SDK1: variants seen among roughly 807,000 people sequenced by gnomAD.
SDK1 encodes sidekick cell adhesion molecule 1.
A neutral mutation model predicts 245.5 loss-of-function variants in SDK1; 157 were observed. The observed-to-expected ratio is 0.64, with a 90% CI of 0.56 to 0.73. SDK1 has a LOEUF of 0.73. Among genes scored for constraint, SDK1 ranks in the 30% least tolerant of loss-of-function variants. SDK1 has a pLI of 0.00. For missense variants in SDK1, 3,583 were observed against 3,002.3 expected (o/e 1.19, Z -4.52); for synonymous variants, 1,647 against 1,278.5 (o/e 1.29, Z -6.15).
chr7:4,023,014 T>A (rs1383908952), intron 17 of SDK1, among the ~76,000 whole-genome samples: 2 of 152,094 alleles, frequency 1.3e-5, no homozygotes, highest in African/African-American at 4.8e-5. Flanking sequence ...GACCTCGTGA[T>A]CCGCCTGCCT....
intron 38 of SDK1, 80 bp from the exon 39 acceptor site, chr7:4,220,029 G>T (rs1284566059): frequency 5.3e-6 from 8 of 1,505,292 alleles, no homozygotes; most frequent in Admixed American, 2.0e-5. Context: ...CACTTTCCTT[G>T]TTATCGCAAC....
intron 4 of SDK1, among the ~76,000 whole-genome samples, chr7:3,679,078 C>G (rs1267912294): frequency 6.6e-6 from 1 of 152,034 alleles, no homozygotes; most frequent in African/African-American, 2.4e-5. Context: ...AAAACATGAT[C>G]AATACATGAA....
chr7:3,966,175 CG>C (rs745621128), intron 9 of SDK1, among the ~76,000 whole-genome samples: 4 of 151,962 alleles, frequency 2.6e-5, no homozygotes, highest in Non-Finnish European at 4.4e-5. Context: ...GACCTGGACT[CG>C]GGTGGTTGCC....
chr7:4,122,783 G>A (rs139501401), intron 25 of SDK1, among the ~76,000 whole-genome samples: 70 of 152,290 alleles, frequency 4.6e-4, no homozygotes, highest in Admixed American at 4.6e-4. Context: ...ATCTCAAAAC[G>A]TAAGATGTCA....
At chr7:3,630,410 G>T (rs117530094) in intron 2 of SDK1, among the ~76,000 whole-genome samples, 1 of 152,274 alleles carries the variant, frequency 6.6e-6, no homozygotes, top group Middle Eastern at 3.4e-3. Context: ...CAAGATAGAA[G>T]ATCAACATAT....
intron 1 of SDK1, among the ~76,000 whole-genome samples, chr7:3,321,570 A>C (rs1420110224): frequency 6.6e-6 from 1 of 152,164 alleles, no homozygotes; most frequent in Admixed American, 6.5e-5. Flanking sequence ...AGTTAAAGAC[A>C]TTTTACATAC....
intron 25 of SDK1, among the ~76,000 whole-genome samples, chr7:4,124,443 C>T (rs546315468): frequency 6.6e-6 from 1 of 152,256 alleles, no homozygotes; most frequent in African/African-American, 2.4e-5. Context: ...TGTCTGTCTC[C>T]TCCCATGGCA....
At chr7:3,801,062 G>C (rs902337900) in intron 4 of SDK1, among the ~76,000 whole-genome samples, 4 of 152,110 alleles carry the variant, frequency 2.6e-5, no homozygotes, top group African/African-American at 9.7e-5. Context: ...CATTTTCCTA[G>C]TATATTCCAA....
At chr7:3,378,537 G>C (rs549948708) in intron 1 of SDK1, among the ~76,000 whole-genome samples, 1 of 152,158 alleles carries the variant, frequency 6.6e-6, no homozygotes, top group African/African-American at 2.4e-5. Flanking sequence ...CCTTGAGGTC[G>C]GGCAGGGATT....
At chr7:3,950,787 A>G in intron 5 of SDK1, 136 bp from the exon 6 acceptor site, 2 of 636,162 alleles carry the variant, frequency 3.1e-6, no homozygotes, top group Admixed American at 2.6e-5. Flanking sequence ...ATCAGGGACA[A>G]TTTGTGTCTG....
chr7:3,823,732 C>T (rs1333089793), intron 5 of SDK1, among the ~76,000 whole-genome samples: 1 of 152,118 alleles, frequency 6.6e-6, no homozygotes, highest in Non-Finnish European at 1.5e-5. Context: ...AAGTGAGATA[C>T]AAGGCAGTTG....
intron 4 of SDK1, among the ~76,000 whole-genome samples, chr7:3,696,643 G>A (rs1196303060): frequency 1.3e-5 from 2 of 151,476 alleles, no homozygotes; most frequent in Non-Finnish European, 2.9e-5. Context: ...AGCAATAATT[G>A]TATCTTATGT....
intron 5 of SDK1, among the ~76,000 whole-genome samples, chr7:3,939,764 T>C (rs1780288728): frequency 6.6e-6 from 1 of 152,222 alleles, no homozygotes; most frequent in East Asian, 1.9e-4. Context: ...CTGCTCCCCT[T>C]GGTGGAAAGA....
intron 1 of SDK1, among the ~76,000 whole-genome samples, chr7:3,568,973 C>G (rs1046425712): frequency 6.7e-6 from 1 of 148,554 alleles, no homozygotes; most frequent in African/African-American, 2.5e-5. Flanking sequence ...TTTAAGTTCT[C>G]TAATTTATTG....
At chr7:3,991,136 G>A (rs949822619) in intron 14 of SDK1, among the ~76,000 whole-genome samples, 5 of 152,224 alleles carry the variant, frequency 3.3e-5, no homozygotes, top group African/African-American at 1.2e-4. Flanking sequence ...TAGAAGGCAA[G>A]TCAGAGAAAG....
intron 4 of SDK1, among the ~76,000 whole-genome samples, chr7:3,696,225 A>G (rs1282072916): frequency 1.3e-5 from 2 of 151,926 alleles, no homozygotes; most frequent in Non-Finnish European, 2.9e-5. Flanking sequence ...CTAAGCTCCC[A>G]CCACTCACTG....
rs538961452 is a variant in SDK1, at chr7:4,026,677, T to C, written c.2602+9325T>C. 1.4e-3 allele frequency among the ~76,000 whole-genome samples: 216 copies of C among 152,368 alleles called. No individual in the cohort carries two copies. Among genetic ancestry groups the C allele is most frequent in the African/African-American group, 4.9e-3 (205 of 41,594 alleles). ...ATCAGAAAAGAAACTTGAGCTTATT[T>C]GTCAAAGGTTTGTTAACCTAATAAT... is the stretch of plus-strand genomic sequence containing the variant. On this transcript the variant is annotated intron_variant, in intron 17 of 44. Coordinates refer to ENST00000404826, the MANE Select transcript of SDK1 (RefSeq NM_152744.4). This position sits in a 1 kb window ranked among gnomAD's most constrained non-coding sequence, Gnocchi z 4.1.
intron 1 of SDK1, among the ~76,000 whole-genome samples, chr7:3,595,938 C>T (rs1191470833): frequency 1.4e-5 from 2 of 145,548 alleles, no homozygotes; most frequent in Non-Finnish European, 3.0e-5. Flanking sequence ...GGTGTTTTAA[C>T]CTGTCTAATG....
intron 4 of SDK1, among the ~76,000 whole-genome samples, chr7:3,663,920 A>C (rs1783443747): frequency 6.6e-6 from 1 of 152,226 alleles, no homozygotes; most frequent in Non-Finnish European, 1.5e-5. Context: ...TATCATTGTC[A>C]CTGTAGGAAG....
Sources: allele counts gnomAD v4.1 joint callset (sites outside exome capture counted in the v4.1 genomes callset), GRCh38; gene constraint gnomAD v4.1.1; non-coding constraint Gnocchi (gnomAD v3.1); transcripts MANE v1.5; gene names NCBI Gene and HGNC (gene_info 2026-07-23, HGNC 2026-07-21).